The following B4GALT2 variants were observed in gnomAD, a reference collection of about 807,000 sequenced individuals.
B4GALT2 encodes N-acetyllactosamine synthase.
In B4GALT2, 18 loss-of-function variants were observed where a neutral mutation model predicts 33.2. The observed-to-expected ratio is 0.54, with a 90% CI of 0.38 to 0.80. The LOEUF is 0.80. Among genes scored for constraint, B4GALT2 ranks in the 30% least tolerant of loss-of-function variants. The probability of loss-of-function intolerance (pLI) is 0.00; values close to 1 mark genes in which losing one functional copy is unlikely to be tolerated. For missense variants in B4GALT2, 404 were observed against 526.2 expected (o/e 0.77, Z 2.27); for synonymous variants, 214 against 217.6 (o/e 0.98, Z 0.15).
chr1:43,988,315 A>T (rs1464979077), intron 6 of B4GALT2, among the ~76,000 whole-genome samples: 1 of 148,718 alleles, frequency 6.7e-6, no homozygotes, highest in South Asian at 2.2e-4. Flanking sequence ...GCTCGAGACC[A>T]GCCTGGCCGA....
chr1:43,988,251 C>T (rs1571809268), intron 6 of B4GALT2, among the ~76,000 whole-genome samples: 1 of 150,716 alleles, frequency 6.6e-6, no homozygotes, highest in Non-Finnish European at 1.5e-5. Context: ...TGGCTCATGT[C>T]TGTAATCCCA....
rs747653687 is a variant in B4GALT2, at chr1:43,990,427, G to A, written c.1098G>A (p.Pro366=). ...TNITVDIGRP[P]SWPPRG ...TCACAGTGGACATTGGGCGGCCTCC[G>A]TCGTGGCCCCCTCGGGGCTGACACT... Residue 366 remains proline, a synonymous_variant, in exon 7 of 7, where the codon CCG becomes CCA. Coordinates refer to ENST00000372324, the MANE Select transcript of B4GALT2 (RefSeq NM_003780.5). 13 of 1,614,134 alleles carry A rather than the reference G, an allele frequency of 8.1e-6. No homozygotes were observed. Among genetic ancestry groups the A allele is most frequent in the Admixed American group, 1.7e-5 (1 of 60,030 alleles).
Position 43,984,920 on chromosome 1 carries a change from C to T in B4GALT2, c.605C>T (p.Ala202Val), listed in dbSNP as rs755791825. Residue 202 changes from alanine (A) to valine (V), a missense_variant, in exon 4 of 7, where the codon GCG becomes GTG. Transcript: ENST00000372324. This position sits in a 1 kb window ranked among gnomAD's most constrained non-coding sequence, Gnocchi z 5.6. ...AKLLNVGFLE[A>V]LKEDAAYDCF... ...CTGCTTAACGTGGGCTTCCTAGAGGCGCTGAAGGAGGATGCCGCCTATGAC... is the reference window on the plus strand; with the variant it reads ...CTGCTTAACGTGGGCTTCCTAGAGGTGCTGAAGGAGGATGCCGCCTATGAC... 5.3e-5 allele frequency: 86 copies of T among 1,613,952 alleles called. 1 individual carries two copies. The highest frequency in any genetic ancestry group is 4.9e-4 in the Middle Eastern group (3 of 6,084).
intron 6 of B4GALT2, among the ~76,000 whole-genome samples, chr1:43,988,639 C>A (rs896687125): frequency 6.6e-5 from 10 of 151,892 alleles, no homozygotes; most frequent in Admixed American, 1.3e-4. Flanking sequence ...TACTGTACTC[C>A]ATCCTGGGCA....
Position 43,982,509 on chromosome 1 carries a change from G to A in B4GALT2, c.549+585G>A, listed in dbSNP as rs377279331. Among the ~76,000 whole-genome samples the A allele has an allele frequency of 2.3e-3, 355 of 152,324 alleles. 18 individuals carry two copies. The South Asian group carries it at 0.07, about 30-fold the overall frequency. ...ACAGAGGGCCCCAGTCCAGCCCTGG[G>A]GTTGGGAAGCAGTTGCTGAGATGGG... On this transcript the variant is annotated intron_variant, in intron 3 of 6. Transcript: ENST00000372324. The surrounding 1 kb of genome is among the most constrained non-coding windows in gnomAD (Gnocchi z 4.3).
chr1:43,985,739 C>T, intron 6 of B4GALT2, 118 bp downstream of exon 6: 2 of 949,338 alleles, frequency 2.1e-6, no homozygotes, highest in Non-Finnish European at 3.3e-6. Flanking sequence ...GCATCCTTGA[C>T]TCCAAAAAGG....
intron 6 of B4GALT2, among the ~76,000 whole-genome samples, chr1:43,987,982 C>G (rs865931792): frequency 6.6e-6 from 1 of 152,154 alleles, no homozygotes; most frequent in African/African-American, 2.4e-5. Context: ...TCTCTGTTAC[C>G]TGCCTCCCCT....
At position 43,982,903 on chromosome 1, in the gene B4GALT2, A is replaced by G. The variant is rs983311470; in HGVS notation, c.549+979A>G. ...CCGTTTGGAAGAGAGGACGATGCCC[A>G]GGAAAGAGGCGGTGACCCTGCGGAT... On this transcript the variant is annotated intron_variant, in intron 3 of 6. Coordinates refer to ENST00000372324, the MANE Select transcript of B4GALT2 (RefSeq NM_003780.5). The surrounding 1 kb of genome is among the most constrained non-coding windows in gnomAD (Gnocchi z 4.3). 5.3e-5 allele frequency among the ~76,000 whole-genome samples: 8 copies of G among 152,194 alleles called. No individual in the cohort carries two copies. Among genetic ancestry groups the G allele is most frequent in the African/African-American group, 1.9e-4 (8 of 41,454 alleles).
rs149254173 is a variant in B4GALT2, at chr1:43,987,544, A to G, written c.968+1923A>G. Among the ~76,000 whole-genome samples, 6 of 152,260 alleles carry G rather than the reference A, an allele frequency of 3.9e-5. No homozygotes were observed. In the East Asian group the frequency reaches 1.2e-3, roughly 29 times the overall value. ...ACATATCCAAACCCATCAGCGAGTAATATCACTGCCACCCCTAAAACATAT... is the reference window on the plus strand; with the variant it reads ...ACATATCCAAACCCATCAGCGAGTAGTATCACTGCCACCCCTAAAACATAT... On this transcript the variant is annotated intron_variant, in intron 6 of 6. Transcript: ENST00000372324.
Position 43,981,585 on chromosome 1 carries a change from G to T in B4GALT2, c.314-104G>T. 1 of 1,531,200 alleles carries T rather than the reference G, an allele frequency of 6.5e-7. No homozygotes were observed. The highest frequency in any genetic ancestry group is 8.8e-7 in the Non-Finnish European group (1 of 1,138,018). 94.9% of individuals were successfully genotyped at this position (1,531,200 alleles called of 1,614,324 possible). ...CCAGGGGTCCAGGTCTGTTGTAAGAGGGCTATTCTTGGGGTTCCCTAGCCC... is the reference window on the plus strand; with the variant it reads ...CCAGGGGTCCAGGTCTGTTGTAAGATGGCTATTCTTGGGGTTCCCTAGCCC... On this transcript the variant is annotated intron_variant, in intron 2 of 6. Coordinates refer to ENST00000372324, the MANE Select transcript of B4GALT2 (RefSeq NM_003780.5). This position sits in a 1 kb window ranked among gnomAD's most constrained non-coding sequence, Gnocchi z 8.1.
rs750874317 is a variant in B4GALT2, at chr1:43,990,477, A to C, written c.*29A>C. ...TAATGGACAGAGGCTCTCGGTGCCG[A>C]AGATTGCCTGCCAGAGGACTGACCA... On this transcript the variant is annotated 3_prime_UTR_variant, in exon 7 of 7. Coordinates refer to ENST00000372324, the MANE Select transcript of B4GALT2 (RefSeq NM_003780.5). 3.7e-6 allele frequency: 6 copies of C among 1,613,150 alleles called. No individual in the cohort carries two copies. Among genetic ancestry groups the C allele is most frequent in the South Asian group, 2.2e-5 (2 of 91,028 alleles).
intron 6 of B4GALT2, among the ~76,000 whole-genome samples, chr1:43,988,178 G>A (rs1261788184): frequency 6.6e-6 from 1 of 152,062 alleles, no homozygotes; most frequent in Admixed American, 6.5e-5. Flanking sequence ...ATCTGATTGC[G>A]CTTGAAGTGC....
Position 43,981,321 on chromosome 1 carries a change from T to C in B4GALT2, c.161T>C (p.Leu54Pro). Reference sequence around the variant, plus strand: ...AGTGCCCGAGGCCCTGCCCATGCCCTCCACCCAGCTGCTAGCAGCAGCAGC... The same window carrying C: ...AGTGCCCGAGGCCCTGCCCATGCCCCCCACCCAGCTGCTAGCAGCAGCAGC... ...RFSARGPAHA[L>P]HPAASSSSSS... Residue 54 changes from leucine (L) to proline (P), a missense_variant, in exon 2 of 7, where the codon CTC (leucine) becomes CCC (proline). Transcript: ENST00000372324. This position sits in a 1 kb window ranked among gnomAD's most constrained non-coding sequence, Gnocchi z 8.1. The C allele has an allele frequency of 6.2e-7, 1 of 1,602,720 alleles. No homozygotes were observed. The highest frequency in any genetic ancestry group is 1.1e-5 in the South Asian group (1 of 91,080).
In B4GALT2 at chr1:43,990,544, G is replaced by A. The variant is rs914575317; in HGVS notation, c.*96G>A. On this transcript the variant is annotated 3_prime_UTR_variant, in exon 7 of 7. Coordinates refer to ENST00000372324, the MANE Select transcript of B4GALT2 (RefSeq NM_003780.5). Reference sequence around the variant, plus strand: ...TGCTCTGTGGAGGACCTCCAGGACTGAGACTGGGCTCTGTTTTCCAAGGGT... The same window carrying A: ...TGCTCTGTGGAGGACCTCCAGGACTAAGACTGGGCTCTGTTTTCCAAGGGT... The A allele has an allele frequency of 1.3e-6, 2 of 1,512,914 alleles. No individual in the cohort carries two copies. The highest frequency in any genetic ancestry group is 1.4e-5 in the African/African-American group (1 of 72,280). The allele number at this position is 1,512,914 out of a possible 1,614,324, so 93.7% of individuals were successfully genotyped here. A position where few individuals can be genotyped will look rare whatever the true frequency, so the allele number is the denominator to read the frequency against.
Position 43,985,529 on chromosome 1 carries a change from T to C in B4GALT2, c.876T>C (p.Thr292=). ...DDDIFNRISL[T]GMKISRPDIR... is the part of the protein sequence containing the mutation. ...TCCCCATCCTCAGGATCTCCCTGAC[T>C]GGGATGAAGATCTCACGCCCAGACA... is the stretch of plus-strand genomic sequence containing the variant. The change falls in exon 6 of 7, where the codon ACT becomes ACC. Residue 292 remains threonine (T), a synonymous_variant. Transcript: ENST00000372324. 1 of 1,612,972 alleles carries C rather than the reference T, an allele frequency of 6.2e-7. No homozygotes were observed. The highest frequency in any genetic ancestry group is 8.5e-7 in the Non-Finnish European group (1 of 1,179,780).
At position 43,981,559 on chromosome 1, in the gene B4GALT2, G is replaced by T; in HGVS notation, c.313+86G>T. On this transcript the variant is annotated intron_variant, in intron 2 of 6. Transcript: ENST00000372324. This position sits in a 1 kb window ranked among gnomAD's most constrained non-coding sequence, Gnocchi z 8.1. ...AAATGGCATCTGGACCCAGGGGTGT[G>T]CCAGGGGTCCAGGTCTGTTGTAAGA... The T allele has an allele frequency of 6.6e-7, 1 of 1,520,454 alleles. No individual in the cohort carries two copies. 94.2% of individuals were successfully genotyped at this position (1,520,454 alleles called of 1,614,324 possible).
At position 43,982,924 on chromosome 1, in the gene B4GALT2, C is replaced by G. The variant is rs541457995; in HGVS notation, c.549+1000C>G. ...GCCCAGGAAAGAGGCGGTGACCCTG[C>G]GGATGTGTGGGGCGGGAGTCGCGGG... is the stretch of plus-strand genomic sequence containing the variant. On this transcript the variant is annotated intron_variant, in intron 3 of 6. Transcript: ENST00000372324. The surrounding 1 kb of genome is among the most constrained non-coding windows in gnomAD (Gnocchi z 4.3). 2.6e-5 allele frequency among the ~76,000 whole-genome samples: 4 copies of G among 152,174 alleles called. No homozygotes were observed. The South Asian group carries it at 8.3e-4, about 32-fold the overall frequency.
At position 43,990,880 on chromosome 1, in the gene B4GALT2, A is replaced by C; in HGVS notation, c.*432A>C. The C allele has an allele frequency of 5.7e-6, 1 of 175,222 alleles. No individual in the cohort carries two copies. Among genetic ancestry groups the C allele is most frequent in the Non-Finnish European group, 1.2e-5 (1 of 81,228 alleles). The allele number at this position is 175,222 out of a possible 1,614,324, so 10.9% of individuals were successfully genotyped here. On this transcript the variant is annotated 3_prime_UTR_variant, in exon 7 of 7. Transcript: ENST00000372324. Reference sequence around the variant, plus strand: ...CAGGGGGAATTCTCAGCTCTTGGGAACCCCCTTGCTCCCAGGGGAGGGGAA... The same window carrying C: ...CAGGGGGAATTCTCAGCTCTTGGGACCCCCCTTGCTCCCAGGGGAGGGGAA...
At chr1:43,987,459 C>G (rs1438686266) in intron 6 of B4GALT2, among the ~76,000 whole-genome samples, 1 of 152,176 alleles carries the variant, frequency 6.6e-6, no homozygotes, top group East Asian at 1.9e-4. Flanking sequence ...TGTGAACTCT[C>G]TCTACCTAGT....
Sources: gnomAD v4.1 joint callset for allele counts (sites outside exome capture counted in the v4.1 genomes callset) on GRCh38, gnomAD v4.1.1 for gene constraint, Gnocchi (gnomAD v3.1) non-coding constraint, MANE v1.5 for transcripts, NCBI Gene and HGNC (gene_info 2026-07-23, HGNC 2026-07-21) for gene names.